Variants in GRID2 observed in about 807,000 individuals in gnomAD.
GRID2 encodes glutamate receptor ionotropic, delta-2.
In GRID2, 33 loss-of-function variants were observed where a neutral mutation model predicts 114.8. That is an observed-to-expected ratio of 0.29 (90% CI 0.22 to 0.38). The LOEUF (loss-of-function observed/expected upper bound fraction) is 0.38. Ranked by LOEUF, GRID2 falls within the 10% of genes least tolerant of loss-of-function variation. GRID2 has a pLI of 1.00. For missense variants in GRID2, 1,184 were observed against 1,257.7 expected, an observed-to-expected ratio of 0.94 and a Z score of 0.89; for synonymous variants, 505 against 449.9, an observed-to-expected ratio of 1.12 and a Z score of -1.55.
At chr4:92,666,248 T>G (rs1732770428) in intron 2 of GRID2, among the ~76,000 whole-genome samples, 1 of 151,612 alleles carries the variant, frequency 6.6e-6, no homozygotes, top group Admixed American at 6.6e-5. Context: ...TTCCAGACCT[T>G]CCTTTTAGTT....
chr4:93,116,149 T>G (rs769943719), intron 4 of GRID2, among the ~76,000 whole-genome samples: 1 of 152,180 alleles, frequency 6.6e-6, no homozygotes, highest in Non-Finnish European at 1.5e-5. Context: ...ATAACACAGT[T>G]ACACTTCTAT....
intron 2 of GRID2, among the ~76,000 whole-genome samples, chr4:92,595,229 T>C (rs1451397890): frequency 6.6e-6 from 1 of 151,954 alleles, no homozygotes; most frequent in African/African-American, 2.4e-5. Context: ...TTTTTATGTA[T>C]TGCAAAACAT....
chr4:92,824,494 A>G (rs1741548465), intron 2 of GRID2, among the ~76,000 whole-genome samples: 1 of 152,068 alleles, frequency 6.6e-6, no homozygotes, highest in Non-Finnish European at 1.5e-5. Flanking sequence ...TCTCAAAAGA[A>G]TAAATTAATT....
Position 93,471,698 on chromosome 4 carries a change from A to ATTTTT in GRID2, c.1858+15737_1858+15741dup, listed in dbSNP as rs897411033. 4.6e-4 allele frequency among the ~76,000 whole-genome samples: 28 copies of ATTTTT among 61,002 alleles called. 6 individuals are homozygous for ATTTTT. Among genetic ancestry groups the ATTTTT allele is most frequent in the East Asian group, 2.0e-3 (7 of 3,526 alleles). 40.0% of individuals were successfully genotyped at this position (61,002 alleles called of 152,430 possible). On this transcript the variant is annotated intron_variant, in intron 11 of 15. Transcript: ENST00000282020. The stretch of plus-strand genomic sequence containing the variant: ...ATTGTTATTTCTTCTCCTGAATTCA[A>ATTTTT]TTTTTTTTTTTTTTTTTGGAGACGG...
chr4:92,843,614 A>G (rs1289184710), intron 2 of GRID2, among the ~76,000 whole-genome samples: 2 of 152,080 alleles, frequency 1.3e-5, no homozygotes, highest in Admixed American at 6.6e-5. Flanking sequence ...CCCTTATACA[A>G]ATCTATTTTA....
At chr4:93,369,048 A>G (rs181077143) in intron 8 of GRID2, among the ~76,000 whole-genome samples, 60 of 152,300 alleles carry the variant, frequency 3.9e-4, no homozygotes, top group Non-Finnish European at 6.8e-4. Flanking sequence ...AATTATCGCA[A>G]ACTGATTGGC....
At chr4:92,933,385 T>A (rs1750391092) in intron 2 of GRID2, among the ~76,000 whole-genome samples, 2 of 151,508 alleles carry the variant, frequency 1.3e-5, no homozygotes, top group Non-Finnish European at 3.0e-5. Context: ...ATTGGTTAAA[T>A]CAGTTCTACT....
chr4:93,360,379 G>T (rs17330251), intron 8 of GRID2, among the ~76,000 whole-genome samples: 10,014 of 151,384 alleles, frequency 0.066, 384 homozygotes, highest in Middle Eastern at 0.14. Flanking sequence ...TAATTTTGTT[G>T]TGCTCAATAA....
intron 2 of GRID2, among the ~76,000 whole-genome samples, chr4:92,858,836 C>T (rs979984302): frequency 3.9e-5 from 6 of 152,124 alleles, no homozygotes; most frequent in Admixed American, 2.0e-4. Context: ...GGATTACAGG[C>T]GTGAGCACTG....
intron 4 of GRID2, among the ~76,000 whole-genome samples, chr4:93,182,613 A>G (rs1165826986): frequency 6.6e-6 from 1 of 152,204 alleles, no homozygotes; most frequent in East Asian, 1.9e-4. Flanking sequence ...ACATGCCTAC[A>G]GGCATATTTT....
chr4:92,365,883 T>A (rs1728838019), intron 1 of GRID2, among the ~76,000 whole-genome samples: 2 of 152,060 alleles, frequency 1.3e-5, no homozygotes, highest in African/African-American at 4.8e-5. Flanking sequence ...CACTCACTGG[T>A]ATTGCTACCT....
chr4:93,153,708 G>C (rs1736925693), intron 4 of GRID2, among the ~76,000 whole-genome samples: 1 of 152,054 alleles, frequency 6.6e-6, no homozygotes, highest in Admixed American at 6.6e-5. Flanking sequence ...TCAATGCATA[G>C]GGAAGAGCCA....
intron 2 of GRID2, among the ~76,000 whole-genome samples, chr4:92,692,692 G>A (rs1396808637): frequency 1.3e-5 from 2 of 152,060 alleles, no homozygotes; most frequent in Non-Finnish European, 2.9e-5. Context: ...TGGAATTTTG[G>A]TATTTTAGAA....
At chr4:93,006,789 T>C (rs186168312) in intron 2 of GRID2, among the ~76,000 whole-genome samples, 1 of 149,772 alleles carries the variant, frequency 6.7e-6, no homozygotes, top group Admixed American at 6.6e-5. Context: ...TACCTCAAAA[T>C]GAACAGAAAA....
chr4:93,403,375 C>T (rs1766091820), intron 9 of GRID2, among the ~76,000 whole-genome samples: 1 of 151,838 alleles, frequency 6.6e-6, no homozygotes, highest in Non-Finnish European at 1.5e-5. Context: ...ACCCACTCCC[C>T]AGCAAAATAA....
At chr4:93,414,648 TTTCTC>T (rs1250526535) in intron 9 of GRID2, among the ~76,000 whole-genome samples, 1 of 150,556 alleles carries the variant, frequency 6.6e-6, no homozygotes, top group East Asian at 1.9e-4. Flanking sequence ...ATTTGTTTAA[TTTCTC>T]TTCACAGCAC....
At chr4:93,117,266 C>T (rs531989920) in intron 4 of GRID2, among the ~76,000 whole-genome samples, 3 of 151,660 alleles carry the variant, frequency 2.0e-5, no homozygotes, top group East Asian at 1.9e-4. Flanking sequence ...ATAATAATGG[C>T]GACATTAGTT....
chr4:92,852,970 T>C (rs1043176784), intron 2 of GRID2, among the ~76,000 whole-genome samples: 1 of 152,062 alleles, frequency 6.6e-6, no homozygotes, highest in Non-Finnish European at 1.5e-5. Flanking sequence ...CTGTAAATTC[T>C]TTGTATTTTA....
rs546643588 is a variant in GRID2, at chr4:92,738,519, A to G, written c.244+148233A>G. ...CTAAAAATGGATGTAGTCTGAATGT[A>G]TTTTCTAAGTTACATTTTAATTTTG... On this transcript the variant is annotated intron_variant, in intron 2 of 15. Coordinates refer to ENST00000282020, the MANE Select transcript of GRID2 (RefSeq NM_001510.4). Among the ~76,000 whole-genome samples, 22 of 152,220 alleles carry G rather than the reference A, an allele frequency of 1.4e-4. No individual in the cohort carries two copies. In the South Asian group the frequency reaches 4.6e-3, roughly 32 times the overall value.
Sources: gnomAD v4.1 joint callset for allele counts (sites outside exome capture counted in the v4.1 genomes callset) on GRCh38, gnomAD v4.1.1 for gene constraint, MANE v1.5 for transcripts, NCBI Gene and HGNC (gene_info 2026-07-23, HGNC 2026-07-21) for gene names.